Variants in NDUFAF6 observed in about 807,000 individuals in gnomAD.
NDUFAF6 encodes the protein NADH:ubiquinone oxidoreductase complex assembly factor 6.
NDUFAF6 carries 45 observed loss-of-function variants against 40.8 expected under a neutral mutation model. The ratio of observed to expected loss-of-function variants is 1.10; its 90% confidence interval spans 0.87 to 1.42. The LOEUF is 1.42. Ranked by LOEUF, NDUFAF6 falls within the 40% of genes most tolerant of loss-of-function variation. The probability of loss-of-function intolerance (pLI) is 0.00; values close to 1 mark genes in which losing one functional copy is unlikely to be tolerated. For missense variants in NDUFAF6, 435 were observed against 418.5 expected (o/e 1.04, Z -0.34); for synonymous variants, 185 against 155.9 (o/e 1.19, Z -1.39).
At chr8:94,947,244 CA>C (rs1822097969) in intron 2 of NDUFAF6, among the ~76,000 whole-genome samples, 1 of 149,332 alleles carries the variant, frequency 6.7e-6, no homozygotes, top group African/African-American at 2.5e-5. Context: ...CAGCCCTTTT[CA>C]GTTAGTTTCA....
chr8:95,048,599 C>A (rs769761141), intron 7 of NDUFAF6, 41 bp downstream of exon 7: 9 of 1,360,402 alleles, frequency 6.6e-6, no homozygotes, highest in South Asian at 1.2e-5. Flanking sequence ...AGGGAATAAT[C>A]ATTTCTAGAT....
chr8:94,967,813 T>A (rs909626418), intron 1 of NDUFAF6, among the ~76,000 whole-genome samples: 5 of 151,992 alleles, frequency 3.3e-5, no homozygotes, highest in African/African-American at 4.8e-5. Context: ...TGGTGGCATG[T>A]GCCTGTAATC....
rs531949714 is a variant in NDUFAF6, at chr8:94,906,648, T to C, written c.-936+10721T>C. On this transcript the variant is annotated intron_variant, in intron 1 of 14. Coordinates refer to the NDUFAF6 transcript ENST00000396113. ...CTGGGGGACCTCCCATCTGCAGCAC[T>C]AAAGGACATGCTGACACAGAGCAGA... Among the ~76,000 whole-genome samples the C allele has an allele frequency of 7.2e-5, 11 of 152,326 alleles. No individual in the cohort carries two copies. In the South Asian group the frequency reaches 1.9e-3, roughly 26 times the overall value.
At chr8:95,094,015 G>T (rs565693385) in intron 2 of NDUFAF6, among the ~76,000 whole-genome samples, 1 of 152,108 alleles carries the variant, frequency 6.6e-6, no homozygotes, top group Non-Finnish European at 1.5e-5. Flanking sequence ...CTGTTGCCCA[G>T]GCTAGAGTGC....
At chr8:94,955,998 A>G (rs1823037304), upstream of NDUFAF6, among the ~76,000 whole-genome samples, 1 of 152,200 alleles carries the variant, frequency 6.6e-6, no homozygotes, top group Admixed American at 6.5e-5. Flanking sequence ...TCAGAACAGA[A>G]TTTAAAGTGA....
At chr8:94,964,175 C>G (rs1029214051) in intron 1 of NDUFAF6, among the ~76,000 whole-genome samples, 1 of 152,052 alleles carries the variant, frequency 6.6e-6, no homozygotes, top group Non-Finnish European at 1.5e-5. Flanking sequence ...TGCCTGTAAT[C>G]GCAGCACTTT....
At chr8:95,066,443 CT>C (rs969749662) in intron 9 of NDUFAF6, among the ~76,000 whole-genome samples, 1 of 151,560 alleles carries the variant, frequency 6.6e-6, no homozygotes, top group Non-Finnish European at 1.5e-5. Flanking sequence ...AAGGAAATCA[CT>C]TTTAAAAAAA....
Position 94,946,481 on chromosome 8 carries a change from A to C in NDUFAF6, c.-799+862A>C, listed in dbSNP as rs570199694. Among the ~76,000 whole-genome samples the C allele has an allele frequency of 2.9e-3, 441 of 151,966 alleles. 1 individual carries two copies. Among genetic ancestry groups the C allele is most frequent in the Non-Finnish European group, 4.2e-3 (286 of 67,950 alleles). ...TTTGGGATGCCAAGGCAGGAGGATCACTTTAAGCCAGGAGTTCAAGACCAG... is the reference window on the plus strand; with the variant it reads ...TTTGGGATGCCAAGGCAGGAGGATCCCTTTAAGCCAGGAGTTCAAGACCAG... On this transcript the variant is annotated intron_variant, in intron 2 of 14. Transcript: ENST00000396113.
At chr8:95,019,978 C>T (rs761191597) in intron 2 of NDUFAF6, among the ~76,000 whole-genome samples, 1 of 152,138 alleles carries the variant, frequency 6.6e-6, no homozygotes, top group Non-Finnish European at 1.5e-5. Context: ...GCAGGCAGAT[C>T]GCCTGAGGTC....
chr8:94,897,101 G>A (rs1817672419), intron 1 of NDUFAF6, among the ~76,000 whole-genome samples: 1 of 152,090 alleles, frequency 6.6e-6, no homozygotes, highest in Non-Finnish European at 1.5e-5. Context: ...TCCCAACAAG[G>A]GTCACCTGAT....
chr8:95,095,696 ACTCTGT>A (rs1809438446), upstream of NDUFAF6, among the ~76,000 whole-genome samples: 2 of 149,814 alleles, frequency 1.3e-5, no homozygotes, highest in African/African-American at 4.9e-5. Flanking sequence ...ACCAATTCTC[ACTCTGT>A]CTCCCAGTCT....
intron 3 of NDUFAF6, 76 bp from the exon 4 acceptor site, chr8:95,041,494 T>C (rs1041177824): frequency 1.0e-6 from 1 of 1,000,848 alleles, no homozygotes; most frequent in Non-Finnish European, 1.6e-6. Flanking sequence ...TTGTATTTGG[T>C]TTGTTCATTT....
At chr8:94,976,987 C>T (rs1563763728) in intron 1 of NDUFAF6, among the ~76,000 whole-genome samples, 1 of 151,582 alleles carries the variant, frequency 6.6e-6, no homozygotes, top group Non-Finnish European at 1.5e-5. Context: ...TCCATCTCTA[C>T]AAAAAATACA....
chr8:94,931,877 CAA>C (rs748356516), intron 1 of NDUFAF6, among the ~76,000 whole-genome samples: 5 of 152,186 alleles, frequency 3.3e-5, no homozygotes, highest in South Asian at 2.1e-4. Context: ...GAGGCTGAAA[CAA>C]GAGAATCACT....
At chr8:95,000,086 C>T (rs889703616) in intron 2 of NDUFAF6, among the ~76,000 whole-genome samples, 2 of 151,642 alleles carry the variant, frequency 1.3e-5, no homozygotes, top group African/African-American at 2.4e-5. Flanking sequence ...GCGGTAATCC[C>T]AGAACTTTGG....
At chr8:95,105,546 C>T (rs732280), downstream of NDUFAF6, among the ~76,000 whole-genome samples, 126,743 of 152,092 alleles carry the variant, frequency 0.83, 53,228 homozygotes, top group East Asian at 1. Flanking sequence ...TGTTTTGTTT[C>T]GTTTTTGAGA....
chr8:94,908,772 T>G (rs1184569398), intron 1 of NDUFAF6, among the ~76,000 whole-genome samples: 1 of 152,190 alleles, frequency 6.6e-6, no homozygotes, highest in Non-Finnish European at 1.5e-5. Flanking sequence ...TTTGCCAGAT[T>G]TATAGCTGAG....
downstream of NDUFAF6, among the ~76,000 whole-genome samples, chr8:95,104,800 C>A (rs74402036): frequency 0.014 from 2,136 of 152,218 alleles, 50 homozygotes; most frequent in African/African-American, 0.049. Flanking sequence ...CCAGGCTGGG[C>A]ACCTGACCCT....
chr8:94,921,579 C>T (rs138203455), intron 1 of NDUFAF6, among the ~76,000 whole-genome samples: 193 of 152,338 alleles, frequency 1.3e-3, no homozygotes, highest in Non-Finnish European at 2.3e-3. Context: ...CCCTTCTTTA[C>T]TCAATGTTTT....
Sources: gnomAD v4.1 joint callset for allele counts (sites outside exome capture counted in the v4.1 genomes callset) on GRCh38, gnomAD v4.1.1 for gene constraint, MANE v1.5 for transcripts, NCBI Gene and HGNC (gene_info 2026-07-23, HGNC 2026-07-21) for gene names.